Variants in SLC28A1 observed in about 807,000 individuals in gnomAD.
SLC28A1 encodes sodium/nucleoside cotransporter 1.
Under a neutral mutation model 74.8 loss-of-function variants are expected in SLC28A1, and 64 were observed. That is an observed-to-expected ratio of 0.86 (90% confidence interval 0.70 to 1.05). The LOEUF is 1.05. Among genes scored for constraint, SLC28A1 ranks in the 50% least tolerant of loss-of-function variants. SLC28A1 has a pLI of 0.00. For missense variants in SLC28A1, 828 were observed against 822.8 expected, an observed-to-expected ratio of 1.01 and a Z score of -0.08; for synonymous variants, 359 against 335.0, an observed-to-expected ratio of 1.07 and a Z score of -0.78.
Position 84,944,781 on chromosome 15 carries a change from T to G in SLC28A1, c.1788T>G (p.Ala596=), listed in dbSNP as rs1437237521. 1 of 1,613,988 alleles carries G rather than the reference T, an allele frequency of 6.2e-7. No individual in the cohort carries two copies. Among genetic ancestry groups the G allele is most frequent in the Admixed American group, 1.7e-5 (1 of 60,018 alleles). ...GGATCCTCTACATGCCCAGGGGGGCTGAAGTTGACTGCATGTCCCTCTTGA... is the reference window on the plus strand; with the variant it reads ...GGATCCTCTACATGCCCAGGGGGGCGGAAGTTGACTGCATGTCCCTCTTGA... ...MAGILYMPRG[A]EVDCMSLLNT... The change falls in exon 18 of 19, where the codon GCT becomes GCG. Residue 596 remains alanine (A), a synonymous_variant. Transcript: ENST00000394573.
At chr15:84,901,508 C>CA (rs71135320) in intron 6 of SLC28A1, among the ~76,000 whole-genome samples, 3 of 149,304 alleles carry the variant, frequency 2.0e-5, no homozygotes, top group East Asian at 3.9e-4. Flanking sequence ...TACTCCATCT[C>CA]AAAAAAACAA....
rs35716672 is a variant in SLC28A1, at chr15:84,931,343, T to TA, written c.1084-1794dup. The stretch of plus-strand genomic sequence containing the variant: ...AACATCTATTTTGCTTTTTGTTTAT[T>TA]AAAAAAAATATTGTTGTGGACATTT... On this transcript the variant is annotated intron_variant, in intron 12 of 18. Coordinates refer to ENST00000394573, the MANE Select transcript of SLC28A1 (RefSeq NM_004213.5). Among the ~76,000 whole-genome samples the TA allele has an allele frequency of 4.0e-5, 6 of 151,612 alleles. No homozygotes were observed. The East Asian group carries it at 9.7e-4, about 24-fold the overall frequency.
At position 84,910,478 on chromosome 15, in the gene SLC28A1, T is replaced by C. The variant is rs148368161; in HGVS notation, c.795+1683T>C. 9.1e-3 allele frequency among the ~76,000 whole-genome samples: 1,392 copies of C among 152,268 alleles called. 9 individuals are homozygous for C. Among genetic ancestry groups the C allele is most frequent in the Middle Eastern group, 0.044 (13 of 294 alleles). ...GCGCGGTGGCTCATGCCTGTAATCC[T>C]AGCACTTTGGGAGGCTGAGGCAGGC... On this transcript the variant is annotated intron_variant, in intron 9 of 18. Coordinates refer to ENST00000394573, the MANE Select transcript of SLC28A1 (RefSeq NM_004213.5).
downstream of SLC28A1, among the ~76,000 whole-genome samples, chr15:84,946,108 A>ATTTTTTTTT (rs1567196454): frequency 4.5e-4 from 5 of 11,126 alleles, no homozygotes; most frequent in African/African-American, 1.4e-3. Flanking sequence ...ATATATATAT[A>ATTTTTTTTT]TATATTTTTT....
At chr15:84,889,936 A>G (rs1260762162) in intron 4 of SLC28A1, among the ~76,000 whole-genome samples, 1 of 150,762 alleles carries the variant, frequency 6.6e-6, no homozygotes, top group Non-Finnish European at 1.5e-5. Context: ...CCTGGGCTCA[A>G]GAGATTCTCC....
At chr15:84,891,931 GAGATGTCCGATGGAGCA>G (rs1389010872) in intron 5 of SLC28A1, among the ~76,000 whole-genome samples, 2 of 152,052 alleles carry the variant, frequency 1.3e-5, no homozygotes, top group African/African-American at 4.8e-5. Context: ...GGGAGATGAA[GAGATGTCCGATGGAGCA>G]AGGTCCCCTG....
chr15:84,946,618 G>T (rs2079240989), downstream of SLC28A1, among the ~76,000 whole-genome samples: 1 of 152,134 alleles, frequency 6.6e-6, no homozygotes, highest in Non-Finnish European at 1.5e-5. Context: ...CCCTCCTCAT[G>T]CATCTTCTGT....
At chr15:84,936,749 C>T (rs749457278) in intron 15 of SLC28A1, among the ~76,000 whole-genome samples, 1 of 152,140 alleles carries the variant, frequency 6.6e-6, no homozygotes, top group Non-Finnish European at 1.5e-5. Flanking sequence ...CATTTTCTTC[C>T]ATTCTTTTAA....
the SLC28A1 span, among the ~76,000 whole-genome samples, chr15:84,967,329 AC>A: frequency 1.3e-5 from 2 of 151,520 alleles, no homozygotes; most frequent in African/African-American, 4.9e-5. Flanking sequence ...TAAACTTTCT[AC>A]CCCCCACCTC....
chr15:84,960,418 C>T, the SLC28A1 span, among the ~76,000 whole-genome samples: 7,213 of 151,896 alleles, frequency 0.047, 503 homozygotes, highest in African/African-American at 0.16. Flanking sequence ...CCACCATGCC[C>T]GGCTAATTTT....
At chr15:84,918,090 G>C (rs529732390) in intron 9 of SLC28A1, among the ~76,000 whole-genome samples, 68 of 152,274 alleles carry the variant, frequency 4.5e-4, no homozygotes, top group African/African-American at 1.6e-3. Flanking sequence ...AAGCATGAGA[G>C]GGAGGTTAAG....
chr15:84,935,951 G>GTTTTTT (rs1262653065), intron 15 of SLC28A1, among the ~76,000 whole-genome samples: 23 of 38,744 alleles, frequency 5.9e-4, no homozygotes, highest in Non-Finnish European at 1.1e-3. Flanking sequence ...TTTGGTTTTT[G>GTTTTTT]TTTTTTTTTT....
chr15:84,926,795 T>TGGGGGGTGGGGGGGGGGGGGG, intron 12 of SLC28A1, among the ~76,000 whole-genome samples: 1 of 23,786 alleles, frequency 4.2e-5, no homozygotes, highest in Non-Finnish European at 9.0e-5. Context: ...GTGTGGGGGG[T>TGGGGGGTGGGGGGGGGGGGGG]GGGGGGAGGG....
chr15:84,910,073 C>T (rs1967910716), intron 9 of SLC28A1, among the ~76,000 whole-genome samples: 1 of 152,188 alleles, frequency 6.6e-6, no homozygotes, highest in African/African-American at 2.4e-5. Context: ...GGAGCCTTAG[C>T]ATCTCTTGTG....
chr15:84,930,732 A>C (rs1421728136), intron 12 of SLC28A1, among the ~76,000 whole-genome samples: 3 of 150,084 alleles, frequency 2.0e-5, no homozygotes. Context: ...CAGCCTCCCA[A>C]ATAGCTAGGA....
chr15:84,912,808 A>ATGCG, intron 9 of SLC28A1, among the ~76,000 whole-genome samples: 1 of 50,902 alleles, frequency 2.0e-5, no homozygotes, highest in Admixed American at 2.5e-4. Flanking sequence ...GCGCGCGCGC[A>ATGCG]CACACACACA....
chr15:84,903,455 C>G lies in SLC28A1; in HGVS notation c.462-642C>G, dbSNP rs1966844551. ...TGAACGTTAACTGTCATTAGTAGTA[C>G]CCAGTGAATTGATGACCGGATTGGG... On this transcript the variant is annotated intron_variant, in intron 6 of 18. Coordinates refer to ENST00000394573, the MANE Select transcript of SLC28A1 (RefSeq NM_004213.5). Among the ~76,000 whole-genome samples, 3 of 152,210 alleles carry G rather than the reference C, an allele frequency of 2.0e-5. No homozygotes were observed. The South Asian group carries it at 6.2e-4, about 32-fold the overall frequency.
chr15:84,932,302 TA>T (rs1596337734), intron 12 of SLC28A1, among the ~76,000 whole-genome samples: 1 of 152,068 alleles, frequency 6.6e-6, no homozygotes, highest in Admixed American at 6.6e-5. Context: ...GACACAGTGA[TA>T]GGGGGAAACG....
chr15:84,932,549 GCAGTGGTGAGT>G (rs1448141740), intron 12 of SLC28A1, among the ~76,000 whole-genome samples: 1 of 152,204 alleles, frequency 6.6e-6, no homozygotes, highest in Non-Finnish European at 1.5e-5. Flanking sequence ...GGGTTGGCTT[GCAGTGGTGAGT>G]TCCCCGTCAC....
Sources: allele counts gnomAD v4.1 joint callset (sites outside exome capture counted in the v4.1 genomes callset), GRCh38; gene constraint gnomAD v4.1.1; transcripts MANE v1.5; gene names NCBI Gene and HGNC (gene_info 2026-07-23, HGNC 2026-07-21).